The following BRINP3 variants were observed in gnomAD, a reference collection of about 807,000 sequenced individuals.
BRINP3 encodes the protein BMP/retinoic acid-inducible neural-specific protein 3.
BRINP3 carries 19 observed loss-of-function variants against 71.0 expected under a neutral mutation model. The ratio of observed to expected loss-of-function variants is 0.27; its 90% confidence interval spans 0.19 to 0.39. The LOEUF is 0.39. BRINP3 is among the 10% of genes least tolerant of loss of function. BRINP3 has a pLI of 1.00. For synonymous variants in BRINP3, 380 were observed against 337.7 expected (o/e 1.13, Z -1.37); for missense variants, 959 against 940.8 (o/e 1.02, Z -0.25).
intron 3 of BRINP3, among the ~76,000 whole-genome samples, chr1:190,271,493 C>G (rs186613188): frequency 6.6e-6 from 1 of 151,434 alleles, no homozygotes. Flanking sequence ...CTTTTATTCA[C>G]CACTATTATT....
intron 2 of BRINP3, among the ~76,000 whole-genome samples, chr1:190,310,505 G>GA (rs1385044952): frequency 1.3e-5 from 2 of 151,480 alleles, no homozygotes; most frequent in Non-Finnish European, 1.5e-5. Flanking sequence ...TTTCTTTCTG[G>GA]AAAAAATATG....
At chr1:190,308,504 AG>A (rs558554825) in intron 2 of BRINP3, among the ~76,000 whole-genome samples, 3,293 of 144,574 alleles carry the variant, frequency 0.023, 51 homozygotes, top group Non-Finnish European at 0.035. Flanking sequence ...GGGTGGGGGA[AG>A]GGGGGAGGGA....
intron 2 of BRINP3, among the ~76,000 whole-genome samples, chr1:190,320,338 T>A (rs891879187): frequency 1.3e-5 from 2 of 152,038 alleles, no homozygotes; most frequent in Non-Finnish European, 2.9e-5. Context: ...GTAATTGTGG[T>A]GAGTTAAATC....
At chr1:190,161,977 T>A (rs1651023198) in intron 6 of BRINP3, among the ~76,000 whole-genome samples, 1 of 152,134 alleles carries the variant, frequency 6.6e-6, no homozygotes, top group Non-Finnish European at 1.5e-5. Flanking sequence ...ATTATATTCA[T>A]GAACATTGGG....
At chr1:190,277,113 A>ATATATATATATTTATT (rs746851050) in intron 3 of BRINP3, among the ~76,000 whole-genome samples, 2 of 107,486 alleles carry the variant, frequency 1.9e-5, no homozygotes, top group Admixed American at 2.3e-4. Flanking sequence ...ATATATATAT[A>ATATATATATATTTATT]TATATTTATA....
chr1:190,384,396 T>C (rs1387084031), intron 2 of BRINP3, among the ~76,000 whole-genome samples: 1 of 151,898 alleles, frequency 6.6e-6, no homozygotes, highest in Non-Finnish European at 1.5e-5. Context: ...AAAACTGATC[T>C]ATATCAATGG....
intron 4 of BRINP3, among the ~76,000 whole-genome samples, chr1:190,245,356 A>G (rs932501135): frequency 1.3e-5 from 2 of 151,990 alleles, no homozygotes; most frequent in African/African-American, 4.8e-5. Context: ...ATGACATTAA[A>G]AGAACAAATT....
At chr1:190,389,909 T>G (rs1671144920) in intron 2 of BRINP3, among the ~76,000 whole-genome samples, 1 of 151,782 alleles carries the variant, frequency 6.6e-6, no homozygotes, top group African/African-American at 2.4e-5. Flanking sequence ...TGGATTTTGA[T>G]AAGGTTTACT....
At chr1:190,410,882 A>G (rs1287079998) in intron 2 of BRINP3, among the ~76,000 whole-genome samples, 1 of 152,164 alleles carries the variant, frequency 6.6e-6, no homozygotes, top group Admixed American at 6.5e-5. Context: ...AAAACTCAAT[A>G]TCGCAAAGAT....
At chr1:190,144,629 T>C (rs747922004) in intron 7 of BRINP3, among the ~76,000 whole-genome samples, 22 of 152,198 alleles carry the variant, frequency 1.4e-4, no homozygotes, top group Non-Finnish European at 2.9e-4. Context: ...CATAGTTTCT[T>C]GTTGCCTGGA....
At chr1:190,143,757 T>G (rs187313928) in intron 7 of BRINP3, among the ~76,000 whole-genome samples, 211 of 152,286 alleles carry the variant, frequency 1.4e-3, no homozygotes, top group African/African-American at 4.6e-3. Context: ...AGGTATGCCA[T>G]GACTATTTTA....
At chr1:190,365,823 T>TATA (rs1669460982) in intron 2 of BRINP3, among the ~76,000 whole-genome samples, 1 of 145,622 alleles carries the variant, frequency 6.9e-6, no homozygotes, top group South Asian at 2.1e-4. Flanking sequence ...TATATATATA[T>TATA]ATATATATAT....
chr1:190,200,511 T>C (rs1368194410), intron 6 of BRINP3, among the ~76,000 whole-genome samples: 1 of 152,128 alleles, frequency 6.6e-6, no homozygotes, highest in Non-Finnish European at 1.5e-5. Context: ...TTTATTTTTA[T>C]ATATGAGACT....
chr1:190,338,493 C>T (rs1309962601), intron 2 of BRINP3, among the ~76,000 whole-genome samples: 3 of 151,886 alleles, frequency 2.0e-5, no homozygotes, highest in African/African-American at 2.4e-5. Context: ...TTATTTGTAC[C>T]GGCACTGCTA....
chr1:190,474,054 G>T (rs991656294), intron 1 of BRINP3, among the ~76,000 whole-genome samples: 4 of 152,120 alleles, frequency 2.6e-5, no homozygotes, highest in African/African-American at 9.7e-5. Flanking sequence ...ACCTTAAGAA[G>T]AAGCAATGTT....
intron 7 of BRINP3, among the ~76,000 whole-genome samples, chr1:190,152,718 C>T (rs533179010): frequency 8.1e-4 from 123 of 151,866 alleles, no homozygotes; most frequent in Middle Eastern, 3.4e-3. Context: ...ATCTTTCATC[C>T]GTGAGAAAAA....
intron 7 of BRINP3, among the ~76,000 whole-genome samples, chr1:190,107,125 T>C (rs961172725): frequency 6.6e-6 from 1 of 152,000 alleles, no homozygotes; most frequent in African/African-American, 2.4e-5. Flanking sequence ...TAGATTTGTA[T>C]TGCCAAGCTA....
chr1:190,185,688 C>G (rs1262497782), intron 6 of BRINP3, among the ~76,000 whole-genome samples: 6 of 151,924 alleles, frequency 3.9e-5, no homozygotes, highest in Admixed American at 3.9e-4. Context: ...ATAATGCCAT[C>G]TACTAGATTA....
intron 2 of BRINP3, among the ~76,000 whole-genome samples, chr1:190,405,650 C>T (rs894945682): frequency 6.6e-6 from 1 of 151,764 alleles, no homozygotes; most frequent in Admixed American, 6.6e-5. Context: ...GGCAGAGAAA[C>T]GAATTCAAAC....
Sources: gnomAD v4.1 joint callset for allele counts (sites outside exome capture counted in the v4.1 genomes callset) on GRCh38, gnomAD v4.1.1 for gene constraint, MANE v1.5 for transcripts, NCBI Gene and HGNC (gene_info 2026-07-23, HGNC 2026-07-21) for gene names.